USH2A: variants seen among roughly 807,000 people sequenced by gnomAD.
The protein encoded by USH2A is Usher syndrome 2A (autosomal recessive, mild).
Under a neutral mutation model 538.9 loss-of-function variants are expected in USH2A, and 443 were observed. That is an observed-to-expected ratio of 0.82 (90% CI 0.76 to 0.89). The LOEUF is 0.89. Ranked by LOEUF, USH2A falls within the 40% of genes least tolerant of loss-of-function variation. The probability of loss-of-function intolerance (pLI) is 0.00; values close to 1 mark genes in which losing one functional copy is unlikely to be tolerated. For synonymous variants in USH2A, 2,413 were observed against 2,273.5 expected, an observed-to-expected ratio of 1.06 and a Z score of -1.75; for missense variants, 6,633 against 6,324.8, an observed-to-expected ratio of 1.05 and a Z score of -1.65.
chr1:216,100,271 C>A (rs547038681), intron 21 of USH2A, among the ~76,000 whole-genome samples: 2 of 151,778 alleles, frequency 1.3e-5, no homozygotes, highest in Admixed American at 6.6e-5. Flanking sequence ...GTACAGAACA[C>A]GAATTAGAAA....
rs571108689 is a variant in USH2A, at chr1:215,707,969, A to T, written c.12066+20061T>A. On this transcript the variant is annotated intron_variant, in intron 61 of 71. Coordinates refer to ENST00000307340, the MANE Select transcript of USH2A (RefSeq NM_206933.4). ...TAGAAGAGTACAATTGCATCATTCA[A>T]TGCAACATGTGAACAATTAAAACAA... 6.6e-5 allele frequency among the ~76,000 whole-genome samples: 10 copies of T among 152,320 alleles called. No individual in the cohort carries two copies. The East Asian group carries it at 1.9e-3, about 29-fold the overall frequency.
intron 64 of USH2A, among the ~76,000 whole-genome samples, chr1:215,662,077 T>C (rs566363258): frequency 3.3e-4 from 51 of 152,334 alleles, no homozygotes; most frequent in Admixed American, 2.8e-3. Context: ...ACTTTGAACA[T>C]TGTAGGTGCT....
intron 3 of USH2A, among the ~76,000 whole-genome samples, chr1:216,407,600 C>CAT (rs1263527844): frequency 6.6e-6 from 1 of 152,058 alleles, no homozygotes; most frequent in Non-Finnish European, 1.5e-5. Flanking sequence ...TAAATAAAGT[C>CAT]ATAATCTCCA....
chr1:215,631,828 G>C (rs758401663), intron 70 of USH2A, among the ~76,000 whole-genome samples: 3 of 152,188 alleles, frequency 2.0e-5, no homozygotes, highest in Non-Finnish European at 4.4e-5. Context: ...GGGTGTGCAG[G>C]AACAGGGTGT....
chr1:216,184,191 G>T (rs762645106), intron 20 of USH2A, among the ~76,000 whole-genome samples: 1 of 151,972 alleles, frequency 6.6e-6, no homozygotes, highest in Non-Finnish European at 1.5e-5. Context: ...CTTTATTCTT[G>T]AAATAAATAA....
intron 9 of USH2A, among the ~76,000 whole-genome samples, chr1:216,296,667 G>T (rs1015191108): frequency 6.6e-6 from 1 of 151,908 alleles, no homozygotes; most frequent in Admixed American, 6.5e-5. Context: ...AGAATTGACT[G>T]TTAGGTGATG....
At chr1:216,200,418 G>A (rs887621964) in intron 16 of USH2A, among the ~76,000 whole-genome samples, 5 of 152,168 alleles carry the variant, frequency 3.3e-5, no homozygotes, top group African/African-American at 2.4e-5. Context: ...AAGTCCTTGC[G>A]GTTCTCCAAA....
chr1:216,413,768 A>G (rs1244312968), intron 3 of USH2A, among the ~76,000 whole-genome samples: 2 of 152,110 alleles, frequency 1.3e-5, no homozygotes, highest in Non-Finnish European at 1.5e-5. Context: ...GCCCAATGCT[A>G]AATCATTTCT....
intron 11 of USH2A, among the ~76,000 whole-genome samples, chr1:216,266,510 G>T (rs927120770): frequency 1.3e-5 from 2 of 152,078 alleles, no homozygotes; most frequent in African/African-American, 4.8e-5. Flanking sequence ...TTCTGGATTT[G>T]CAAGGATTCA....
chr1:216,007,480 T>C (rs1224526823), intron 32 of USH2A, among the ~76,000 whole-genome samples: 3 of 152,168 alleles, frequency 2.0e-5, no homozygotes, highest in Admixed American at 2.0e-4. Context: ...CAGAATTCCC[T>C]GCCTGATGGA....
At chr1:215,764,798 C>T (rs964335582) in intron 56 of USH2A, among the ~76,000 whole-genome samples, 22 of 151,972 alleles carry the variant, frequency 1.4e-4, no homozygotes, top group African/African-American at 5.3e-4. Context: ...AATGTGATTG[C>T]TAAGGTGTTC....
At chr1:215,921,183 T>C (rs934140175) in intron 38 of USH2A, among the ~76,000 whole-genome samples, 1 of 152,048 alleles carries the variant, frequency 6.6e-6, no homozygotes, top group Non-Finnish European at 1.5e-5. Context: ...AAGATCACAA[T>C]TTATAATAAT....
At chr1:216,004,374 C>T (rs1461771212) in intron 32 of USH2A, among the ~76,000 whole-genome samples, 1 of 151,956 alleles carries the variant, frequency 6.6e-6, no homozygotes, top group Non-Finnish European at 1.5e-5. Flanking sequence ...CAGAGAGTGA[C>T]CAGTAAGGTA....
At chr1:215,992,717 C>T (rs1475162798) in intron 35 of USH2A, among the ~76,000 whole-genome samples, 1 of 152,092 alleles carries the variant, frequency 6.6e-6, no homozygotes, top group Non-Finnish European at 1.5e-5. Flanking sequence ...AATACAATGT[C>T]ACTCTCACTA....
intron 64 of USH2A, among the ~76,000 whole-genome samples, chr1:215,667,684 C>A (rs576685669): frequency 6.7e-6 from 1 of 148,234 alleles, no homozygotes; most frequent in Non-Finnish European, 1.5e-5. Flanking sequence ...GGTGACAGAG[C>A]GAGACTGTGT....
intron 13 of USH2A, among the ~76,000 whole-genome samples, chr1:216,235,808 A>G (rs376474947): frequency 1.3e-5 from 2 of 152,206 alleles, no homozygotes; most frequent in Admixed American, 6.5e-5. Context: ...GCTAAGCACT[A>G]ATTGTAAGAC....
intron 17 of USH2A, 64 bp downstream of exon 17, chr1:216,199,563 C>T: frequency 6.2e-7 from 1 of 1,611,224 alleles, no homozygotes; most frequent in Non-Finnish European, 8.5e-7. Flanking sequence ...CCTAATTGCA[C>T]AATTACAATA....
chr1:215,728,582 G>GACACACACACAC (rs1311988583), intron 60 of USH2A, among the ~76,000 whole-genome samples, 198 bp from the exon 61 acceptor site: 3,239 of 148,540 alleles, frequency 0.022, 86 homozygotes, highest in African/African-American at 0.058. Context: ...AAGTGTAGTT[G>GACACACACACAC]ACACACACAC....
Position 215,900,840 on chromosome 1 carries a change from A to T in USH2A, c.7366T>A (p.Ser2456Thr). 6.2e-7 allele frequency: 1 copy of T among 1,613,830 alleles called. No homozygotes were observed. The highest frequency in any genetic ancestry group is 8.5e-7 in the Non-Finnish European group (1 of 1,179,812). Residue 2456 changes from serine (S) to threonine (T), a missense_variant, in exon 39 of 72, where the codon TCT becomes ACT. By Grantham distance (58) the Ser-to-Thr change is moderately conservative. Coordinates refer to ENST00000307340, the MANE Select transcript of USH2A (RefSeq NM_206933.4). ...ATPTSLQVVWSTPARNNAPGS... is the reference protein window; with the variant it reads ...ATPTSLQVVWTTPARNNAPGS... The stretch of plus-strand genomic sequence containing the variant: ...GGAGCGTTATTACGAGCTGGTGTAG[A>T]CCAGACAACCTGAAGACTGGTTGGA...
Sources: allele counts gnomAD v4.1 joint callset (sites outside exome capture counted in the v4.1 genomes callset), GRCh38; gene constraint gnomAD v4.1.1; transcripts MANE v1.5; gene names NCBI Gene and HGNC (gene_info 2026-07-23, HGNC 2026-07-21).